The following ETV6 variants were observed in gnomAD, a reference collection of about 807,000 sequenced individuals.
The protein encoded by ETV6 is ETS variant transcription factor 6, also known as transcription factor ETV6.
ETV6 carries 16 observed loss-of-function variants against 51.1 expected under a neutral mutation model. The ratio of observed to expected loss-of-function variants is 0.31; its 90% CI spans 0.21 to 0.48. The LOEUF (loss-of-function observed/expected upper bound fraction) is 0.48, where lower values mean the gene tolerates loss of function less well. Among genes scored for constraint, ETV6 ranks in the 20% least tolerant of loss-of-function variants. The pLI, the probability that ETV6 is intolerant of heterozygous loss-of-function variation, is 0.99. For missense variants in ETV6, 458 were observed against 594.8 expected (o/e 0.77, Z 2.39); for synonymous variants, 240 against 224.1 (o/e 1.07, Z -0.64).
chr12:11,717,880 C>T (rs57764798), intron 1 of ETV6, among the ~76,000 whole-genome samples: 4,614 of 152,222 alleles, frequency 0.03, 113 homozygotes, highest in East Asian at 0.083. Context: ...TGCAACAACC[C>T]GTTCTCTAGC....
At chr12:11,840,581 C>T (rs1270874254) in intron 3 of ETV6, 18 of 450,356 alleles carry the variant, frequency 4.0e-5, no homozygotes, top group African/African-American at 8.0e-5. Flanking sequence ...ATAAACTAAC[C>T]GTCATGAGGA....
intron 2 of ETV6, among the ~76,000 whole-genome samples, chr12:11,778,807 C>T (rs1047846281): frequency 1.1e-4 from 17 of 152,260 alleles, no homozygotes; most frequent in African/African-American, 3.6e-4. Flanking sequence ...AGATTGGAGC[C>T]CTCCGTGTGA....
rs376350323 is a variant in ETV6 at position 11,738,925 on chromosome 12, TG to T, written c.34-13523del. ...TTTTTTAGGTGTCTCCGAAGTGTTA[TG>T]GCCAAGTTCAGGATTGACCCAGATG... On this transcript the variant is annotated intron_variant, in intron 1 of 7. Transcript: ENST00000396373. 4.5e-3 allele frequency among the ~76,000 whole-genome samples: 682 copies of T among 152,280 alleles called. 4 individuals carry two copies. Among genetic ancestry groups the T allele is most frequent in the Middle Eastern group, 0.014 (4 of 294 alleles).
intron 1 of ETV6, among the ~76,000 whole-genome samples, chr12:11,701,988 G>A (rs528033126): frequency 7.1e-4 from 108 of 152,312 alleles, no homozygotes; most frequent in African/African-American, 2.5e-3. Flanking sequence ...AGTGGAGAGA[G>A]TGTGGGGAAT....
chr12:11,724,501 A>G (rs539083373), intron 1 of ETV6, among the ~76,000 whole-genome samples: 74 of 152,320 alleles, frequency 4.9e-4, no homozygotes, highest in Non-Finnish European at 1.0e-3. Flanking sequence ...TGAGTATTAA[A>G]TGAACATTGA....
chr12:11,675,612 G>C (rs991931887), intron 1 of ETV6, among the ~76,000 whole-genome samples: 2 of 152,090 alleles, frequency 1.3e-5, no homozygotes, highest in Non-Finnish European at 2.9e-5. Context: ...AGGAGTTCTA[G>C]ACTATCCTGA....
At chr12:11,666,482 C>G (rs1864196487) in intron 1 of ETV6, among the ~76,000 whole-genome samples, 1 of 152,042 alleles carries the variant, frequency 6.6e-6, no homozygotes, top group Non-Finnish European at 1.5e-5. Flanking sequence ...AGTGGATAGC[C>G]CAGTGACATT....
At chr12:11,788,683 A>G (rs1945525876) in intron 2 of ETV6, among the ~76,000 whole-genome samples, 1 of 151,314 alleles carries the variant, frequency 6.6e-6, no homozygotes, top group Non-Finnish European at 1.5e-5. Flanking sequence ...CACCAGGGCA[A>G]CCACATTCAA....
At position 11,671,132 on chromosome 12, in the gene ETV6, G is replaced by GGC. The variant is rs1864306170; in HGVS notation, c.33+20972_33+20973insGC. Among the ~76,000 whole-genome samples the GGC allele has an allele frequency of 2.0e-5, 3 of 152,144 alleles. No homozygotes were observed. The South Asian group carries it at 6.2e-4, about 31-fold the overall frequency. On this transcript the variant is annotated intron_variant, in intron 1 of 7. Coordinates refer to ENST00000396373, the MANE Select transcript of ETV6 (RefSeq NM_001987.5). ...CCTGAAAAAGGGTAAGGTTGGCAGG[G>GGC]CGGGGAAGAGAGAAGGAAATTAGGG... is the stretch of plus-strand genomic sequence containing the variant.
chr12:11,658,953 T>C (rs1039837563), intron 1 of ETV6, among the ~76,000 whole-genome samples: 29 of 152,232 alleles, frequency 1.9e-4, no homozygotes, highest in Admixed American at 1.7e-3. Flanking sequence ...AGGGATCTGC[T>C]CCTTCATACA....
At chr12:11,732,514 A>C (rs181630127) in intron 1 of ETV6, among the ~76,000 whole-genome samples, 7 of 152,318 alleles carry the variant, frequency 4.6e-5, no homozygotes, top group Admixed American at 4.6e-4. Flanking sequence ...TACTCTGGAG[A>C]AGGACGTTGT....
intron 1 of ETV6, among the ~76,000 whole-genome samples, chr12:11,684,466 G>A (rs10845404): frequency 0.044 from 6,704 of 152,212 alleles, 462 homozygotes; most frequent in African/African-American, 0.15. Context: ...TTTACATTCA[G>A]GCCTTAAGAT....
At chr12:11,890,153 AT>A (rs1196178172) in intron 7 of ETV6, among the ~76,000 whole-genome samples, 2 of 142,724 alleles carry the variant, frequency 1.4e-5, no homozygotes, top group Admixed American at 7.2e-5. Context: ...TGCCCTTCCA[AT>A]TTTCCAGAAG....
intron 2 of ETV6, among the ~76,000 whole-genome samples, chr12:11,779,303 T>C (rs531798998): frequency 3.3e-5 from 5 of 152,364 alleles, no homozygotes; most frequent in African/African-American, 7.2e-5. Flanking sequence ...TTGGCAGAAA[T>C]TGAGCACACA....
chr12:11,701,511 C>T (rs910705370), intron 1 of ETV6, among the ~76,000 whole-genome samples: 6 of 152,198 alleles, frequency 3.9e-5, no homozygotes, highest in African/African-American at 1.2e-4. Context: ...TGTTTTTAGT[C>T]TCTGTAGCCA....
At position 11,894,491 on chromosome 12, in the gene ETV6, A is replaced by C. The variant is rs11556573; in HGVS notation, c.*3445A>C. On this transcript the variant is annotated 3_prime_UTR_variant, in exon 8 of 8. Transcript: ENST00000396373. ...ATGTTCCAAATCCTTTAGGGAGATG[A>C]GGGTATCCCCACAGAAAAAGAGGAA... 2 of 233,110 alleles carry C rather than the reference A, an allele frequency of 8.6e-6. No individual in the cohort carries two copies. The highest frequency in any genetic ancestry group is 1.7e-5 in the Non-Finnish European group (2 of 118,026). 14.4% of individuals were successfully genotyped at this position (233,110 alleles called of 1,614,324 possible). A position where few individuals can be genotyped will look rare whatever the true frequency, so the allele number is the denominator to read the frequency against.
At chr12:11,738,300 G>C in intron 1 of ETV6, among the ~76,000 whole-genome samples, 1 of 65,820 alleles carries the variant, frequency 1.5e-5, no homozygotes, top group African/African-American at 6.7e-5. Flanking sequence ...TTTTTTGTTT[G>C]TTTTTGCTTT....
intron 1 of ETV6, among the ~76,000 whole-genome samples, chr12:11,714,648 T>G (rs1591627242): frequency 9.1e-5 from 6 of 66,090 alleles, no homozygotes; most frequent in African/African-American, 2.2e-4. Context: ...TACCTTGAGG[T>G]GAAAAAAAAA....
At chr12:11,689,356 T>G (rs1386286490) in intron 1 of ETV6, among the ~76,000 whole-genome samples, 1 of 152,178 alleles carries the variant, frequency 6.6e-6, no homozygotes, top group East Asian at 1.9e-4. Context: ...GGAGTGGGGC[T>G]CAGACCTGAC....
Sources: gnomAD v4.1 joint callset for allele counts (sites outside exome capture counted in the v4.1 genomes callset) on GRCh38, gnomAD v4.1.1 for gene constraint, MANE v1.5 for transcripts, NCBI Gene and HGNC (gene_info 2026-07-23, HGNC 2026-07-21) for gene names.